MKRN2: variants seen among roughly 807,000 people sequenced by gnomAD.
The protein encoded by MKRN2 is makorin ring finger protein 2, also known as E3 ubiquitin-protein ligase makorin-2.
Under a neutral mutation model 45.4 loss-of-function variants are expected in MKRN2, and 32 were observed. The observed-to-expected ratio is 0.70, with a 90% CI of 0.53 to 0.95. The LOEUF (loss-of-function observed/expected upper bound fraction) is 0.95, where lower values mean the gene tolerates loss of function less well. Ranked by LOEUF, MKRN2 falls within the 40% of genes least tolerant of loss-of-function variation. MKRN2 has a pLI of 0.00. For missense variants in MKRN2, 526 were observed against 536.7 expected, an observed-to-expected ratio of 0.98 and a Z score of 0.20; for synonymous variants, 206 against 192.4, an observed-to-expected ratio of 1.07 and a Z score of -0.59.
chr3:12,579,675 G>A (rs528905982), intron 6 of MKRN2, among the ~76,000 whole-genome samples: 1 of 152,340 alleles, frequency 6.6e-6, no homozygotes, highest in Non-Finnish European at 1.5e-5. Context: ...GGGCACAGAA[G>A]GGTGTAGGTT....
At position 12,583,429 on chromosome 3, in the gene MKRN2, A is replaced by T; in HGVS notation, c.*1176A>T. 5.3e-6 allele frequency: 1 copy of T among 187,196 alleles called. No individual in the cohort carries two copies. Among genetic ancestry groups the T allele is most frequent in the Non-Finnish European group, 1.1e-5 (1 of 88,866 alleles). The allele number at this position is 187,196 out of a possible 1,614,324, so 11.6% of individuals were successfully genotyped here. A position where few individuals can be genotyped will look rare whatever the true frequency, so the allele number is the denominator to read the frequency against. On this transcript the variant is annotated 3_prime_UTR_variant, in exon 8 of 8. Coordinates refer to ENST00000170447, the MANE Select transcript of MKRN2 (RefSeq NM_014160.5). ...TTCTGCTTAATTAATTTTTATACTTAACTCTTCAGTAGAGGTTTACAAAGA... is the reference window on the plus strand; with the variant it reads ...TTCTGCTTAATTAATTTTTATACTTTACTCTTCAGTAGAGGTTTACAAAGA...
At chr3:12,568,755 A>G in intron 1 of MKRN2, 120 bp from the exon 2 acceptor site, 1 of 1,341,074 alleles carries the variant, frequency 7.5e-7, no homozygotes, top group Non-Finnish European at 1.0e-6. Context: ...CCAGTGCCTA[A>G]TAGAGCCTTT....
rs1360574895 is a variant in MKRN2 at position 12,583,516 on chromosome 3, G to C, written c.*1263G>C. 4.8e-6 allele frequency: 1 copy of C among 208,962 alleles called. No homozygotes were observed. Among genetic ancestry groups the C allele is most frequent in the Non-Finnish European group, 9.7e-6 (1 of 102,872 alleles). The allele number at this position is 208,962 out of a possible 1,614,324, so 12.9% of individuals were successfully genotyped here. A position where few individuals can be genotyped will look rare whatever the true frequency, so the allele number is the denominator to read the frequency against. On this transcript the variant is annotated 3_prime_UTR_variant, in exon 8 of 8. Transcript: ENST00000170447. ...GGCTCTGGGCACATTTCCTGTTCTT[G>C]AATTCTGCTCCTGAAGAGGGTGAAC...
intron 4 of MKRN2, among the ~76,000 whole-genome samples, chr3:12,573,332 C>G (rs1372580737): frequency 6.6e-6 from 1 of 151,264 alleles, no homozygotes; most frequent in Non-Finnish European, 1.5e-5. Flanking sequence ...TGAGACCAGC[C>G]TGGGCAACAT....
chr3:12,574,931 A>G lies in MKRN2; in HGVS notation c.782A>G (p.Asn261Ser), dbSNP rs1211750291. Residue 261 changes from asparagine (N) to serine (S), a missense_variant, in exon 5 of 8, where the codon AAT (asparagine) becomes AGT (serine). Transcript: ENST00000170447. Reference sequence around the variant, plus strand: ...GAGAGGAGATTTGGGATTCTCTCCAATTGCAATCACACGTACTGTTTGTCC... The same window carrying G: ...GAGAGGAGATTTGGGATTCTCTCCAGTTGCAATCACACGTACTGTTTGTCC... ...ASERRFGILSNCNHTYCLSCI... is the reference protein window; with the variant it reads ...ASERRFGILSSCNHTYCLSCI... 4 of 1,614,252 alleles carry G rather than the reference A, an allele frequency of 2.5e-6. No individual in the cohort carries two copies. Among genetic ancestry groups the G allele is most frequent in the East Asian group, 2.2e-5 (1 of 44,886 alleles).
intron 6 of MKRN2, 82 bp from the exon 7 acceptor site, chr3:12,581,726 G>T: frequency 4.0e-6 from 6 of 1,495,724 alleles, no homozygotes; most frequent in South Asian, 2.4e-5. Context: ...CGTAAGGGTG[G>T]TAAGGATGGA....
chr3:12,573,068 G>A (rs922528952), intron 4 of MKRN2, among the ~76,000 whole-genome samples: 1 of 152,164 alleles, frequency 6.6e-6, no homozygotes, highest in Non-Finnish European at 1.5e-5. Context: ...TCATGGTTGG[G>A]ATCCAGCTAG....
At position 12,583,578 on chromosome 3, in the gene MKRN2, T is replaced by TAAAAGGAG. The variant is rs1205721392; in HGVS notation, c.*1326_*1333dup. 4.4e-6 allele frequency: 1 copy of TAAAAGGAG among 225,550 alleles called. No homozygotes were observed. Among genetic ancestry groups the TAAAAGGAG allele is most frequent in the Non-Finnish European group, 8.8e-6 (1 of 113,370 alleles). The allele number at this position is 225,550 out of a possible 1,614,324, so 14.0% of individuals were successfully genotyped here. ...TCAAGTTGTGAGCTCAGAATTACTT[T>TAAAAGGAG]AAAAGGAGGTAACAGCCAGCCATTA... On this transcript the variant is annotated 3_prime_UTR_variant, in exon 8 of 8. Transcript: ENST00000170447.
intron 4 of MKRN2, among the ~76,000 whole-genome samples, chr3:12,574,117 A>G (rs2058116673): frequency 6.6e-6 from 1 of 152,136 alleles, no homozygotes; most frequent in Non-Finnish European, 1.5e-5. Flanking sequence ...GCAGCGGACA[A>G]GGAGACACTC....
intron 1 of MKRN2, among the ~76,000 whole-genome samples, chr3:12,562,438 G>A (rs1037749353): frequency 6.6e-6 from 1 of 152,164 alleles, no homozygotes; most frequent in Non-Finnish European, 1.5e-5. Context: ...AATCGGTATT[G>A]TAAATAACAG....
Position 12,576,974 on chromosome 3 carries a change from C to T in MKRN2, c.968+233C>T, listed in dbSNP as rs866382302. 19 of 183,492 alleles carry T rather than the reference C, an allele frequency of 1.0e-4. No homozygotes were observed. In the Admixed American group the frequency reaches 1.4e-3, roughly 14 times the overall value. The allele number at this position is 183,492 out of a possible 1,614,324, so 11.4% of individuals were successfully genotyped here. A position where few individuals can be genotyped will look rare whatever the true frequency, so the allele number is the denominator to read the frequency against. On this transcript the variant is annotated intron_variant, in intron 6 of 7. Transcript: ENST00000170447. ...TTTTTTTTTCGGTGAGATAGGGTCTCACTCTGTTGCCCAGGCTGGAGTGCA... is the reference window on the plus strand; with the variant it reads ...TTTTTTTTTCGGTGAGATAGGGTCTTACTCTGTTGCCCAGGCTGGAGTGCA...
intron 1 of MKRN2, among the ~76,000 whole-genome samples, chr3:12,564,237 G>A (rs2125301223): frequency 6.6e-6 from 1 of 152,196 alleles, no homozygotes; most frequent in East Asian, 1.9e-4. Context: ...TGAGCCACTG[G>A]GCCTGGCCTG....
At chr3:12,559,674 T>TA (rs1425365455) in intron 1 of MKRN2, among the ~76,000 whole-genome samples, 8 of 152,214 alleles carry the variant, frequency 5.3e-5, no homozygotes, top group African/African-American at 1.4e-4. Context: ...CTCGTACAGT[T>TA]ATGCTGTCAG....
At chr3:12,559,660 A>T (rs1349573661) in intron 1 of MKRN2, among the ~76,000 whole-genome samples, 1 of 152,154 alleles carries the variant, frequency 6.6e-6, no homozygotes, top group Admixed American at 6.5e-5. Flanking sequence ...GGTAAAAATG[A>T]CTGCTCGTAC....
chr3:12,557,770 A>T (rs1191904391), intron 1 of MKRN2, among the ~76,000 whole-genome samples: 1 of 152,246 alleles, frequency 6.6e-6, no homozygotes, highest in Non-Finnish European at 1.5e-5. Context: ...ACAGTAAGAC[A>T]ACTTAGTAGT....
At position 12,583,586 on chromosome 3, in the gene MKRN2, G is replaced by A. The variant is rs2058207385; in HGVS notation, c.*1333G>A. On this transcript the variant is annotated 3_prime_UTR_variant, in exon 8 of 8. Coordinates refer to ENST00000170447, the MANE Select transcript of MKRN2 (RefSeq NM_014160.5). ...TGAGCTCAGAATTACTTTAAAAGGA[G>A]GTAACAGCCAGCCATTACACCTAAA... 1 of 227,266 alleles carries A rather than the reference G, an allele frequency of 4.4e-6. No individual in the cohort carries two copies. The highest frequency in any genetic ancestry group is 8.7e-6 in the Non-Finnish European group (1 of 114,540). 14.1% of individuals were successfully genotyped at this position (227,266 alleles called of 1,614,324 possible).
At chr3:12,558,334 T>G (rs1162200491) in intron 1 of MKRN2, among the ~76,000 whole-genome samples, 4 of 152,226 alleles carry the variant, frequency 2.6e-5, no homozygotes, top group Non-Finnish European at 4.4e-5. Context: ...GAAGGTGTTT[T>G]GTGAAGACGG....
At chr3:12,559,676 T>C (rs2058019986) in intron 1 of MKRN2, among the ~76,000 whole-genome samples, 2 of 152,246 alleles carry the variant, frequency 1.3e-5, no homozygotes, top group South Asian at 4.1e-4. Flanking sequence ...CGTACAGTTA[T>C]GCTGTCAGTC....
At chr3:12,572,886 A>G (rs1025670742) in intron 4 of MKRN2, among the ~76,000 whole-genome samples, 1 of 152,144 alleles carries the variant, frequency 6.6e-6, no homozygotes, top group Non-Finnish European at 1.5e-5. Context: ...TGCCCGGCCT[A>G]TTTTGCCAAT....
Sources: allele counts gnomAD v4.1 joint callset (sites outside exome capture counted in the v4.1 genomes callset), GRCh38; gene constraint gnomAD v4.1.1; transcripts MANE v1.5; gene names NCBI Gene and HGNC (gene_info 2026-07-23, HGNC 2026-07-21).